Variants in NINL observed in about 807,000 individuals in gnomAD.
The protein encoded by NINL is ninein like.
A neutral mutation model predicts 160.3 loss-of-function variants in NINL; 153 were observed. That is an observed-to-expected ratio of 0.95 (90% CI 0.84 to 1.09). The LOEUF is 1.09. Ranked by LOEUF, NINL falls within the 50% of genes least tolerant of loss-of-function variation. The pLI is 0.00. For synonymous variants in NINL, 800 were observed against 734.8 expected (o/e 1.09, Z -1.43); for missense variants, 1,829 against 1,764.0 (o/e 1.04, Z -0.66).
chr20:25,477,557 C>T (rs991636941), intron 16 of NINL, among the ~76,000 whole-genome samples: 3 of 152,218 alleles, frequency 2.0e-5, no homozygotes, highest in African/African-American at 7.2e-5. Context: ...TCTGGTGGCC[C>T]GCAGGAGAGT....
chr20:25,576,613 T>G (rs1331747805), intron 1 of NINL, among the ~76,000 whole-genome samples: 1 of 151,374 alleles, frequency 6.6e-6, no homozygotes, highest in Non-Finnish European at 1.5e-5. Flanking sequence ...CACATGCCAC[T>G]GTGCCTAGCT....
rs149083161 is a variant in NINL at position 25,504,099 on chromosome 20, G to A, written c.714C>T (p.Leu238=). 22 of 1,568,846 alleles carry A rather than the reference G, an allele frequency of 1.4e-5. No individual in the cohort carries two copies. The highest frequency in any genetic ancestry group is 1.8e-5 in the Non-Finnish European group (21 of 1,158,612). Reference sequence around the variant, plus strand: ...GATCCAGTTTGTTAAACAGGTCTTCGAGTTCCTAAACAAAAGCCGTCATAT... The same window carrying A: ...GATCCAGTTTGTTAAACAGGTCTTCAAGTTCCTAAACAAAAGCCGTCATAT... The part of the protein sequence containing the change: ...VGLQGLEKEE[L]EDLFNKLDQD... The change falls in exon 7 of 24, where the codon CTC becomes CTT. Residue 238 remains leucine (L), a synonymous_variant. Transcript: ENST00000278886.
intron 8 of NINL, chr20:25,498,983 G>A (rs1405961512): frequency 5.5e-5 from 54 of 985,372 alleles, no homozygotes; most frequent in African/African-American, 7.0e-5. Flanking sequence ...GGCAGCTAAC[G>A]TTCTGTCGTG....
At chr20:25,458,113 G>T (rs1175276342) in intron 22 of NINL, among the ~76,000 whole-genome samples, 2 of 152,090 alleles carry the variant, frequency 1.3e-5, no homozygotes, top group African/African-American at 4.8e-5. Flanking sequence ...CCCTACCCCA[G>T]GGCCTCTGCT....
chr20:25,567,249 G>A (rs993127863), intron 1 of NINL, among the ~76,000 whole-genome samples: 3 of 152,168 alleles, frequency 2.0e-5, no homozygotes, highest in Non-Finnish European at 4.4e-5. Flanking sequence ...GAATAGGGGT[G>A]GTAGAGTGGA....
At chr20:25,498,390 C>T (rs1447814985) in intron 8 of NINL, 44 bp from the exon 9 acceptor site, 2 of 1,605,100 alleles carry the variant, frequency 1.2e-6, no homozygotes, top group African/African-American at 2.7e-5. Flanking sequence ...TGAGGGACTT[C>T]CCCAAGCAGA....
chr20:25,578,709 C>T (rs542181964), intron 1 of NINL, among the ~76,000 whole-genome samples: 6 of 146,878 alleles, frequency 4.1e-5, no homozygotes, highest in African/African-American at 1.5e-4. Context: ...AGGAGAATGG[C>T]GTGAACCTGG....
intron 1 of NINL, among the ~76,000 whole-genome samples, chr20:25,563,460 G>C (rs2147143622): frequency 6.6e-6 from 1 of 152,262 alleles, no homozygotes; most frequent in Non-Finnish European, 1.5e-5. Flanking sequence ...GGAATACTGA[G>C]AAACATTCAA....
chr20:25,478,528 C>A (rs1170653525), intron 16 of NINL, among the ~76,000 whole-genome samples: 3 of 152,218 alleles, frequency 2.0e-5, no homozygotes, highest in Non-Finnish European at 1.5e-5. Flanking sequence ...TTTTGGGAAC[C>A]TCACTAACCC....
intron 1 of NINL, chr20:25,540,024 G>A: frequency 7.8e-7 from 1 of 1,288,556 alleles, no homozygotes; most frequent in Non-Finnish European, 1.0e-6. Flanking sequence ...CTGTTTACCT[G>A]CGCAGTTCAG....
intron 2 of NINL, among the ~76,000 whole-genome samples, chr20:25,524,316 G>A (rs1372465825): frequency 4.6e-5 from 7 of 152,220 alleles, no homozygotes; most frequent in Admixed American, 2.6e-4. Context: ...AAAGGATAAC[G>A]TCAGAGCAGA....
chr20:25,475,934 G>A, intron 17 of NINL, 109 bp downstream of exon 17: 4 of 1,182,500 alleles, frequency 3.4e-6, no homozygotes, highest in South Asian at 1.5e-5. Context: ...GGGGCTGCGA[G>A]CTTGTCGGCA....
chr20:25,547,507 A>G (rs889814932), intron 1 of NINL, among the ~76,000 whole-genome samples: 1 of 152,310 alleles, frequency 6.6e-6, no homozygotes, highest in African/African-American at 2.4e-5. Context: ...GGGGAAGCCA[A>G]ATGGAACTGA....
chr20:25,489,229 A>G lies in NINL; in HGVS notation c.1677+15T>C. The G allele has an allele frequency of 6.2e-7, 1 of 1,613,492 alleles. No individual in the cohort carries two copies. The highest frequency in any genetic ancestry group is 8.5e-7 in the Non-Finnish European group (1 of 1,179,390). On this transcript the variant is annotated intron_variant, in intron 13 of 23. Transcript: ENST00000278886. ...CTGGACATGAGACTAAAAGGCAGAC[A>G]GAGCAGGCACGTACCCGGCACTTGA...
intron 2 of NINL, 63 bp downstream of exon 2, chr20:25,526,345 T>C: frequency 1.4e-6 from 2 of 1,397,300 alleles, no homozygotes; most frequent in Non-Finnish European, 9.8e-7. Context: ...ATTTATCAAA[T>C]GCCCATAAGA....
intron 1 of NINL, among the ~76,000 whole-genome samples, chr20:25,583,222 C>T (rs2065193289): frequency 6.6e-6 from 1 of 152,080 alleles, no homozygotes; most frequent in Admixed American, 6.6e-5. Flanking sequence ...TGCAATCTAC[C>T]CTTCTGACAA....
Position 25,455,546 on chromosome 20 carries a change from T to C in NINL, c.3957+127A>G. On this transcript the variant is annotated intron_variant, in intron 23 of 23. Transcript: ENST00000278886. ...GAATGTGCACCTGCAGTGTAGGGTA[T>C]ACATTTAGTTCCCTGGAATTCTGTG... 4.3e-6 allele frequency: 3 copies of C among 696,706 alleles called. No homozygotes were observed. The South Asian group carries it at 5.2e-5, about 12-fold the overall frequency. 43.2% of individuals were successfully genotyped at this position (696,706 alleles called of 1,614,324 possible). A position where few individuals can be genotyped will look rare whatever the true frequency, so the allele number is the denominator to read the frequency against.
intron 1 of NINL, among the ~76,000 whole-genome samples, chr20:25,553,116 T>TTTTTC (rs2064825257): frequency 6.9e-6 from 1 of 145,670 alleles, no homozygotes; most frequent in South Asian, 2.3e-4. Context: ...TTTTTTTTTT[T>TTTTTC]TTTTTGGAGA....
At chr20:25,524,062 C>T (rs527448205) in intron 2 of NINL, among the ~76,000 whole-genome samples, 46 of 152,280 alleles carry the variant, frequency 3.0e-4, no homozygotes, top group Non-Finnish European at 5.6e-4. Context: ...GACACCTATA[C>T]GGATATTTCT....
Sources: allele counts gnomAD v4.1 joint callset (sites outside exome capture counted in the v4.1 genomes callset), GRCh38; gene constraint gnomAD v4.1.1; transcripts MANE v1.5; gene names NCBI Gene and HGNC (gene_info 2026-07-23, HGNC 2026-07-21).